Variants in RPL21 observed in about 807,000 individuals in gnomAD.
The protein encoded by RPL21 is ribosomal protein L21, also known as large ribosomal subunit protein eL21.
In RPL21, 1 loss-of-function variant was observed where a neutral mutation model predicts 21.2. The ratio of observed to expected loss-of-function variants is 0.05; its 90% CI spans 0.02 to 0.22. The LOEUF is 0.22. RPL21 is among the 10% of genes least tolerant of loss of function. The probability of loss-of-function intolerance (pLI) is 1.00; values close to 1 mark genes in which losing one functional copy is unlikely to be tolerated. For missense variants in RPL21, 113 were observed against 199.4 expected (o/e 0.57, Z 2.61); for synonymous variants, 52 against 62.9 (o/e 0.83, Z 0.82).
chr13:27,255,069 A>C, intron 3 of RPL21, 173 bp from the exon 4 acceptor site: 1 of 764,466 alleles, frequency 1.3e-6, no homozygotes, highest in South Asian at 1.4e-5. Flanking sequence ...ACTCGAGCTT[A>C]ATGATGACTG....
chr13:27,254,051 GGTT>G (rs1881772957), intron 2 of RPL21, among the ~76,000 whole-genome samples, 166 bp from the exon 3 acceptor site: 1 of 152,196 alleles, frequency 6.6e-6, no homozygotes, highest in South Asian at 2.1e-4. Flanking sequence ...TTTGGAGAGA[GGTT>G]GTGATTTAGT....
chr13:27,253,941 T>C (rs769965065), intron 2 of RPL21, 98 bp downstream of exon 2: 13 of 804,408 alleles, frequency 1.6e-5, no homozygotes, highest in Non-Finnish European at 2.4e-5. Flanking sequence ...ATCAATAGAA[T>C]TAAATAACTA....
intron 2 of RPL21, 84 bp from the exon 3 acceptor site, chr13:27,254,136 A>G (rs1266227782): frequency 3.5e-6 from 3 of 856,510 alleles, no homozygotes; most frequent in East Asian, 2.4e-5. Context: ...AAAATGATAT[A>G]TGTGTTAAAA....
rs372493913 is a variant in RPL21 at position 27,253,857 on chromosome 13, C to G, written c.67+14C>G. 1.3e-6 allele frequency: 2 copies of G among 1,490,186 alleles called. No individual in the cohort carries two copies. The highest frequency in any genetic ancestry group is 1.9e-6 in the Non-Finnish European group (2 of 1,067,298). 92.3% of individuals were successfully genotyped at this position (1,490,186 alleles called of 1,614,324 possible). A position where few individuals can be genotyped will look rare whatever the true frequency, so the allele number is the denominator to read the frequency against. ...TTAGAAAACATGGTAAGTAGGTTTA[C>G]CTTCCTTGAGAGAAGCATGGCACAC... On this transcript the variant is annotated intron_variant, in intron 2 of 5. Coordinates refer to ENST00000311549, the MANE Select transcript of RPL21 (RefSeq NM_000982.4).
intron 1 of RPL21, among the ~76,000 whole-genome samples, chr13:27,252,155 C>G (rs536879058): frequency 6.6e-6 from 1 of 152,088 alleles, no homozygotes; most frequent in Admixed American, 6.5e-5. Context: ...GGTGATGAAC[C>G]CTCACTGCCC....
At chr13:27,254,182 T>C (rs1238587261) in intron 2 of RPL21, 38 bp from the exon 3 acceptor site, 2 of 1,260,858 alleles carry the variant, frequency 1.6e-6, no homozygotes, top group South Asian at 2.4e-5. Context: ...TCTAGATTTT[T>C]AGCCTTAATA....
At chr13:27,255,542 G>A (rs1360159706) in intron 4 of RPL21, 188 bp downstream of exon 4, 5 of 751,260 alleles carry the variant, frequency 6.7e-6, no homozygotes, top group Non-Finnish European at 1.2e-5. Flanking sequence ...TAGATTTACT[G>A]GAAAGTCTTA....
At chr13:27,254,377 A>T (rs533468203) in intron 3 of RPL21, 96 bp downstream of exon 3, 11 of 652,518 alleles carry the variant, frequency 1.7e-5, no homozygotes, top group Non-Finnish European at 2.8e-5. Flanking sequence ...TTGCATCTGT[A>T]AGAGTATAGA....
intron 4 of RPL21, chr13:27,255,574 T>G: frequency 1.4e-6 from 1 of 698,952 alleles, no homozygotes; most frequent in Non-Finnish European, 2.7e-6. Context: ...ACTAAGCGGT[T>G]TGTTTGTTTT....
intron 4 of RPL21, 34 bp downstream of exon 4, chr13:27,255,388 G>A (rs1056599425): frequency 2.3e-6 from 2 of 881,822 alleles, no homozygotes; most frequent in African/African-American, 1.6e-5. Context: ...TGGCTAACCA[G>A]TATTCCCTCA....
At chr13:27,254,171 C>G (rs369292652) in intron 2 of RPL21, 49 bp from the exon 3 acceptor site, 2 of 1,131,848 alleles carry the variant, frequency 1.8e-6, no homozygotes, top group Non-Finnish European at 1.3e-6. Context: ...ATTTCTTTTA[C>G]TCTAGATTTT....
intron 3 of RPL21, 76 bp downstream of exon 3, chr13:27,254,357 C>A: frequency 4.1e-6 from 3 of 725,418 alleles, no homozygotes; most frequent in Non-Finnish European, 5.0e-6. Context: ...AATTCAAATA[C>A]TAGTGTATGT....
chr13:27,254,174 T>A, intron 2 of RPL21, 46 bp from the exon 3 acceptor site: 1 of 1,171,936 alleles, frequency 8.5e-7, no homozygotes, highest in Admixed American at 1.7e-5. Context: ...TCTTTTACTC[T>A]AGATTTTTAG....
At chr13:27,251,835 G>A (rs1881661119) in intron 1 of RPL21, 1 of 152,436 alleles carries the variant, frequency 6.6e-6, no homozygotes. Context: ...AGAAAGACGA[G>A]ACTGAGTCGC....
intron 4 of RPL21, chr13:27,255,974 AAG>A (rs1336322678): frequency 2.5e-5 from 14 of 556,498 alleles, no homozygotes; most frequent in African/African-American, 3.8e-5. Context: ...CATCTCATCA[AAG>A]AGAGTTAAAA....
rs1364524585 is a variant in RPL21 at position 27,253,788 on chromosome 13, A to G, written c.12A>G (p.Thr4=). 6.2e-7 allele frequency: 1 copy of G among 1,605,786 alleles called. No homozygotes were observed. The highest frequency in any genetic ancestry group is 1.7e-5 in the Admixed American group (1 of 60,012). The stretch of plus-strand genomic sequence containing the variant: ...AGTAATTCGCCAAAATGACGAACAC[A>G]AAGGGAAAGAGGAGAGGCACCCGAT... MTN[T]KGKRRGTRYM... is the part of the protein sequence containing the mutation. Residue 4 remains threonine (T), a synonymous_variant, in exon 2 of 6, where the codon ACA becomes ACG. Transcript: ENST00000311549.
chr13:27,254,844 A>T (rs1261425538), intron 3 of RPL21: 4 of 366,442 alleles, frequency 1.1e-5, no homozygotes, highest in Non-Finnish European at 2.1e-5. Flanking sequence ...TTAAAGTGCT[A>T]TTCTTAGCAG....
intron 3 of RPL21, chr13:27,254,547 A>G (rs1276907083): frequency 9.0e-6 from 4 of 445,412 alleles, no homozygotes; most frequent in Non-Finnish European, 1.6e-5. Context: ...GGCGTGCACC[A>G]TGATACCTGG....
chr13:27,255,398 ATATAC>A (rs764716492), intron 4 of RPL21, 44 bp downstream of exon 4: 2 of 823,372 alleles, frequency 2.4e-6, no homozygotes, highest in South Asian at 2.6e-5. Context: ...GTATTCCCTC[ATATAC>A]CCCCTTTTCA....
Sources: allele counts gnomAD v4.1 joint callset (sites outside exome capture counted in the v4.1 genomes callset), GRCh38; gene constraint gnomAD v4.1.1; transcripts MANE v1.5; gene names NCBI Gene and HGNC (gene_info 2026-07-23, HGNC 2026-07-21).